Variants in MRPL20 observed in about 807,000 individuals in gnomAD.
MRPL20 encodes the protein large ribosomal subunit protein bL20m.
Under a neutral mutation model 20.0 loss-of-function variants are expected in MRPL20, and 21 were observed. The observed-to-expected ratio is 1.05, with a 90% CI of 0.74 to 1.51. The LOEUF is 1.51. MRPL20 is among the 40% of genes most tolerant of loss of function. The pLI, the probability that MRPL20 is intolerant of heterozygous loss-of-function variation, is 0.00. For missense variants in MRPL20, 252 were observed against 185.6 expected, an observed-to-expected ratio of 1.36 and a Z score of -2.08; for synonymous variants, 104 against 73.0, an observed-to-expected ratio of 1.43 and a Z score of -2.17.
rs766064471 is a variant in MRPL20, at chr1:1,406,896, G to C, written c.198+13C>G. The C allele has an allele frequency of 2.5e-6, 4 of 1,606,936 alleles. No individual in the cohort carries two copies. The highest frequency in any genetic ancestry group is 2.6e-6 in the Non-Finnish European group (3 of 1,173,980). On this transcript the variant is annotated intron_variant, in intron 2 of 3. Coordinates refer to ENST00000344843, the MANE Select transcript of MRPL20 (RefSeq NM_017971.4). ...AGTGCGCTGGCCGGCGGGTGTCCCG[G>C]GTCCACGCTTACGGTCCTCATGTTC...
chr1:1,407,126 C>G lies in MRPL20; in HGVS notation c.87+5G>C. 6.2e-7 allele frequency: 1 copy of G among 1,606,544 alleles called. No individual in the cohort carries two copies. Among genetic ancestry groups the G allele is most frequent in the African/African-American group, 1.3e-5 (1 of 74,854 alleles). Reference sequence around the variant, plus strand: ...CAGTGCCCAGGCCGGGCAGGCGGCACTCACCCTGGCGTGCTTCAGCACCTC... The same window carrying G: ...CAGTGCCCAGGCCGGGCAGGCGGCAGTCACCCTGGCGTGCTTCAGCACCTC... On this transcript the variant is annotated splice_donor_5th_base_variant and intron_variant, in intron 1 of 3. Coordinates refer to ENST00000344843, the MANE Select transcript of MRPL20 (RefSeq NM_017971.4).
At chr1:1,405,695 T>A in intron 3 of MRPL20, 114 bp downstream of exon 3, 2 of 1,563,464 alleles carry the variant, frequency 1.3e-6, no homozygotes, top group African/African-American at 1.4e-5. Flanking sequence ...TCTCCAGGGA[T>A]CCTCTGGCCT....
At position 1,405,862 on chromosome 1, in the gene MRPL20, C is replaced by G. The variant is rs1645378951; in HGVS notation, c.223G>C (p.Ala75Pro). The G allele has an allele frequency of 6.2e-7, 1 of 1,613,724 alleles. No homozygotes were observed. Among genetic ancestry groups the G allele is most frequent in the Non-Finnish European group, 8.5e-7 (1 of 1,179,666 alleles). ...RTLWINRITA[A>P]SQEHGLKYPA... ...TACTTCAGTCCATGTTCCTGGCTAG[C>G]AGCTGTAATTCGATTAATCCAGAGC... The change falls in exon 3 of 4, where the codon GCT becomes CCT. Residue 75 changes from alanine (A) to proline (P), a missense_variant. Ala to Pro is a conservative substitution (Grantham distance 27, BLOSUM62 -1). Coordinates refer to ENST00000344843, the MANE Select transcript of MRPL20 (RefSeq NM_017971.4).
intron 2 of MRPL20, 95 bp downstream of exon 2, chr1:1,406,814 G>A (rs752737075): frequency 1.8e-4 from 192 of 1,044,830 alleles, no homozygotes; most frequent in Non-Finnish European, 2.7e-4. Flanking sequence ...AAGGGGCTGA[G>A]GGTGGCCGGG....
intron 2 of MRPL20, 164 bp downstream of exon 2, chr1:1,406,745 C>G: frequency 1.5e-6 from 1 of 669,102 alleles, no homozygotes; most frequent in Non-Finnish European, 2.7e-6. Context: ...AACGGATGTC[C>G]CACAGTTTGC....
rs1645390904 is a variant in MRPL20 at position 1,406,960 on chromosome 1, G to A, written c.147C>T (p.Ala49=). Residue 49 remains alanine (A), a synonymous_variant, in exon 2 of 4, where the codon GCC becomes GCT. Transcript: ENST00000344843. Reference sequence around the variant, plus strand: ...ATCGGGCTTTGGTGCATTTCACAAAGGCTCGAATCACGGTTCTGACCGCCA... The same window carrying A: ...ATCGGGCTTTGGTGCATTTCACAAAAGCTCGAATCACGGTTCTGACCGCCA... ...YRLAVRTVIR[A]FVKCTKARYL... The A allele has an allele frequency of 3.1e-6, 5 of 1,613,846 alleles. No individual in the cohort carries two copies. The highest frequency in any genetic ancestry group is 2.7e-5 in the African/African-American group (2 of 75,016).
chr1:1,402,384 A>G, intron 3 of MRPL20, 128 bp from the exon 4 acceptor site: 3 of 1,416,076 alleles, frequency 2.1e-6, no homozygotes, highest in Non-Finnish European at 2.8e-6. Flanking sequence ...GCCTAGGAGA[A>G]TCCTATCTGG....
intron 3 of MRPL20, among the ~76,000 whole-genome samples, chr1:1,402,892 G>A (rs1301151510): frequency 1.3e-5 from 2 of 152,088 alleles, no homozygotes; most frequent in Non-Finnish European, 2.9e-5. Context: ...ACTTTGGGAG[G>A]CTGAGGCAGG....
At chr1:1,402,428 G>A (rs1645340516) in intron 3 of MRPL20, 172 bp from the exon 4 acceptor site, 5 of 1,383,654 alleles carry the variant, frequency 3.6e-6, no homozygotes, top group Non-Finnish European at 9.3e-7. Flanking sequence ...GCAGGATGCT[G>A]AAGGATAAAT....
At chr1:1,405,746 G>A (rs182722604) in intron 3 of MRPL20, 63 bp downstream of exon 3, 21 of 1,613,842 alleles carry the variant, frequency 1.3e-5, no homozygotes, top group African/African-American at 4.0e-5. Context: ...GCACCACCAC[G>A]CCCCGCATGA....
At position 1,406,893 on chromosome 1, in the gene MRPL20, C is replaced by G. The variant is rs1275953652; in HGVS notation, c.198+16G>C. ...GCGAGTGCGCTGGCCGGCGGGTGTC[C>G]CGGGTCCACGCTTACGGTCCTCATG... is the stretch of plus-strand genomic sequence containing the variant. On this transcript the variant is annotated intron_variant, in intron 2 of 3. Transcript: ENST00000344843. 2.5e-6 allele frequency: 4 copies of G among 1,604,136 alleles called. No homozygotes were observed. In the African/African-American group the frequency reaches 4.1e-5, roughly 17 times the overall value.
rs145885719 is a variant in MRPL20 at position 1,402,101 on chromosome 1, T to G, written c.432A>C (p.Arg144Ser). ...DGKEPEGIFS[R>S]VVQYH ...ACAGTCCTCAGTGGTACTGCACCAC[T>G]CTGGAAAAAATGCCTTCAGGTTCCT... The change falls in exon 4 of 4, where the codon AGA becomes AGC. Residue 144 changes from arginine (R) to serine (S), a missense_variant. By Grantham distance (110) the Arg-to-Ser change is moderately radical (BLOSUM62 -1). Coordinates refer to ENST00000344843, the MANE Select transcript of MRPL20 (RefSeq NM_017971.4). 117 of 1,613,988 alleles carry G rather than the reference T, an allele frequency of 7.2e-5. No individual in the cohort carries two copies. In the African/African-American group the frequency reaches 1.5e-3, roughly 20 times the overall value.
chr1:1,406,025 C>A (rs1645380786), intron 2 of MRPL20, 139 bp from the exon 3 acceptor site: 2 of 1,268,836 alleles, frequency 1.6e-6, no homozygotes, highest in Admixed American at 2.7e-5. Context: ...ATCACTCTGG[C>A]CTAAGCGAAA....
intron 3 of MRPL20, chr1:1,405,466 T>A (rs1645373841): frequency 1.7e-6 from 1 of 594,478 alleles, no homozygotes; most frequent in East Asian, 2.8e-5. Flanking sequence ...TTGTAGAGAG[T>A]GGTCTCACTA....
rs898676234 is a variant in MRPL20 at position 1,402,007 on chromosome 1, G to A, written c.*76C>T. 4.7e-6 allele frequency: 7 copies of A among 1,495,352 alleles called. No individual in the cohort carries two copies. The African/African-American group carries it at 8.3e-5, about 18-fold the overall frequency. The allele number at this position is 1,495,352 out of a possible 1,614,324, so 92.6% of individuals were successfully genotyped here. A position where few individuals can be genotyped will look rare whatever the true frequency, so the allele number is the denominator to read the frequency against. ...CATCCCTCATGTCTGTTATTGGGTT[G>A]TAGATAAACAAAAGTATAAATCAAA... On this transcript the variant is annotated 3_prime_UTR_variant, in exon 4 of 4. Transcript: ENST00000344843.
In MRPL20 at chr1:1,405,753, A is replaced by G. The variant is rs1645377444; in HGVS notation, c.276+56T>C. On this transcript the variant is annotated intron_variant, in intron 3 of 3. Coordinates refer to ENST00000344843, the MANE Select transcript of MRPL20 (RefSeq NM_017971.4). Reference sequence around the variant, plus strand: ...TACAGGAAGCACCACCACGCCCCGCATGATGGTTTCTGCAGATGTCCAGAA... The same window carrying G: ...TACAGGAAGCACCACCACGCCCCGCGTGATGGTTTCTGCAGATGTCCAGAA... 3 of 1,613,958 alleles carry G rather than the reference A, an allele frequency of 1.9e-6. No homozygotes were observed. The East Asian group carries it at 6.7e-5, about 36-fold the overall frequency.
chr1:1,402,680 T>G (rs2100392147), intron 3 of MRPL20: 1 of 949,148 alleles, frequency 1.1e-6, no homozygotes, highest in South Asian at 4.8e-5. Flanking sequence ...GCCGTCTCTT[T>G]GAGCATTAAA....
intron 3 of MRPL20, among the ~76,000 whole-genome samples, chr1:1,403,322 C>A (rs886515478): frequency 5.9e-5 from 9 of 151,608 alleles, no homozygotes; most frequent in Non-Finnish European, 1.0e-4. Flanking sequence ...CAGCTCATTG[C>A]AAGCTCCACC....
intron 3 of MRPL20, among the ~76,000 whole-genome samples, chr1:1,403,245 C>G (rs1293463710): frequency 9.1e-6 from 1 of 109,392 alleles, no homozygotes; most frequent in African/African-American, 5.6e-5. Flanking sequence ...TGTCTCCTTT[C>G]TTTCTTTCTT....
Sources: allele counts gnomAD v4.1 joint callset (sites outside exome capture counted in the v4.1 genomes callset), GRCh38; gene constraint gnomAD v4.1.1; transcripts MANE v1.5; gene names NCBI Gene and HGNC (gene_info 2026-07-23, HGNC 2026-07-21).